LINGO2: variants seen among roughly 807,000 people sequenced by gnomAD.
The protein encoded by LINGO2 is leucine rich repeat and Ig domain containing 2.
A neutral mutation model predicts 30.6 loss-of-function variants in LINGO2; 14 were observed. The ratio of observed to expected loss-of-function variants is 0.46; its 90% CI spans 0.30 to 0.72. The LOEUF (loss-of-function observed/expected upper bound fraction) is 0.72, where lower values mean the gene tolerates loss of function less well. LINGO2 is among the 30% of genes least tolerant of loss of function. LINGO2 has a pLI of 0.07. For synonymous variants in LINGO2, 317 were observed against 288.5 expected (o/e 1.10, Z -1.00); for missense variants, 729 against 751.7 (o/e 0.97, Z 0.35).
the LINGO2 span, among the ~76,000 whole-genome samples, chr9:28,788,802 T>C: frequency 7.9e-5 from 12 of 152,178 alleles, no homozygotes; most frequent in Non-Finnish European, 1.8e-4. Context: ...TACCTCCATC[T>C]GGTCTCTCCC....
chr9:28,600,163 G>T lies in LINGO2; in HGVS notation c.-365+70037C>A, dbSNP rs527608293. ...GTGTACATTTTCCAAGAAAACTATGGAATGAAGAATCAGTTTATACTTAAA... is the reference window on the plus strand; with the variant it reads ...GTGTACATTTTCCAAGAAAACTATGTAATGAAGAATCAGTTTATACTTAAA... On this transcript the variant is annotated intron_variant, in intron 1 of 5. Transcript: ENST00000379992. 7.2e-5 allele frequency among the ~76,000 whole-genome samples: 11 copies of T among 152,146 alleles called. No homozygotes were observed. In the South Asian group the frequency reaches 1.0e-3, roughly 14 times the overall value.
At chr9:28,932,681 T>C in the LINGO2 span, among the ~76,000 whole-genome samples, 5 of 147,320 alleles carry the variant, frequency 3.4e-5, no homozygotes, top group Admixed American at 2.8e-4. Flanking sequence ...TATATTATCA[T>C]TGTATAATTT....
At chr9:28,788,755 G>C in the LINGO2 span, among the ~76,000 whole-genome samples, 1 of 152,070 alleles carries the variant, frequency 6.6e-6, no homozygotes, top group African/African-American at 2.4e-5. Flanking sequence ...TCACTACCAC[G>C]AGAACAGCAT....
chr9:28,177,806 C>T (rs781261163), intron 4 of LINGO2, among the ~76,000 whole-genome samples: 13 of 152,142 alleles, frequency 8.5e-5, no homozygotes, highest in Non-Finnish European at 1.2e-4. Flanking sequence ...GTAGCATCCC[C>T]ATTTTATAGA....
rs559110608 is a variant in LINGO2 at position 28,626,032 on chromosome 9, T to C, written c.-365+44168A>G. Reference sequence around the variant, plus strand: ...AAACAAAAAAAACTACAAATTGTCTTCAAAGTGGTGGCAACATTTGAGAAT... The same window carrying C: ...AAACAAAAAAAACTACAAATTGTCTCCAAAGTGGTGGCAACATTTGAGAAT... On this transcript the variant is annotated intron_variant, in intron 1 of 5. Coordinates refer to ENST00000379992, the Ensembl canonical transcript of LINGO2. Among the ~76,000 whole-genome samples, 7 of 152,262 alleles carry C rather than the reference T, an allele frequency of 4.6e-5. No individual in the cohort carries two copies. In the East Asian group the frequency reaches 1.4e-3, roughly 29 times the overall value.
chr9:28,351,947 A>C lies in LINGO2; in HGVS notation c.-246+20889T>G, dbSNP rs1484201964. 5.9e-5 allele frequency among the ~76,000 whole-genome samples: 9 copies of C among 151,614 alleles called. No individual in the cohort carries two copies. The East Asian group carries it at 1.8e-3, about 30-fold the overall frequency. ...CAGAAAAAGCCTTTGACAAAATTCA[A>C]CAACCCTTCATGCTAAAAACTCTCA... On this transcript the variant is annotated intron_variant, in intron 3 of 5. Transcript: ENST00000379992.
intron 2 of LINGO2, among the ~76,000 whole-genome samples, chr9:28,444,877 C>A (rs529573473): frequency 1.2e-3 from 189 of 152,300 alleles, no homozygotes; most frequent in Non-Finnish European, 2.0e-3. Flanking sequence ...GGGATCCAGG[C>A]TGGTAGTGCA....
intron 1 of LINGO2, among the ~76,000 whole-genome samples, chr9:28,615,930 C>T (rs1295819979): frequency 6.6e-6 from 1 of 151,998 alleles, no homozygotes; most frequent in Admixed American, 6.6e-5. Context: ...CTGTATGACT[C>T]CATGTAAATT....
chr9:28,461,139 C>A (rs966222821), intron 2 of LINGO2, among the ~76,000 whole-genome samples: 1 of 152,094 alleles, frequency 6.6e-6, no homozygotes, highest in Non-Finnish European at 1.5e-5. Context: ...TTTATAACAA[C>A]ATAAAATGAT....
chr9:28,056,403 T>C (rs904376640), intron 4 of LINGO2, among the ~76,000 whole-genome samples: 1 of 152,106 alleles, frequency 6.6e-6, no homozygotes, highest in African/African-American at 2.4e-5. Context: ...TCTTTCAGCC[T>C]CCATCAGTTA....
chr9:28,836,582 C>T, the LINGO2 span, among the ~76,000 whole-genome samples: 3 of 152,100 alleles, frequency 2.0e-5, no homozygotes, highest in Non-Finnish European at 4.4e-5. Flanking sequence ...TCCCAAAGTG[C>T]TGAGATTATA....
chr9:29,078,044 A>T, the LINGO2 span, among the ~76,000 whole-genome samples: 96 of 151,728 alleles, frequency 6.3e-4, no homozygotes, highest in Middle Eastern at 6.9e-3. Flanking sequence ...AGATTTGAAA[A>T]CTCCTTTAGT....
rs551545637 is a variant in LINGO2, at chr9:28,542,372, A to C, written c.-364-66347T>G. ...CAGAATCTGGGCAATACATCTTCCT[A>C]TCTACCAGAGAGGCCTAAGGAAAGA... On this transcript the variant is annotated intron_variant, in intron 1 of 5. Coordinates refer to ENST00000379992, the Ensembl canonical transcript of LINGO2. Among the ~76,000 whole-genome samples, 4 of 152,028 alleles carry C rather than the reference A, an allele frequency of 2.6e-5. No homozygotes were observed. In the South Asian group the frequency reaches 8.3e-4, roughly 32 times the overall value.
At chr9:29,002,280 C>G in the LINGO2 span, among the ~76,000 whole-genome samples, 1 of 151,978 alleles carries the variant, frequency 6.6e-6, no homozygotes, top group Non-Finnish European at 1.5e-5. Flanking sequence ...CAAGAAATGA[C>G]ACTGATGATT....
At chr9:28,389,788 A>G (rs1821752088) in intron 2 of LINGO2, among the ~76,000 whole-genome samples, 1 of 152,220 alleles carries the variant, frequency 6.6e-6, no homozygotes, top group African/African-American at 2.4e-5. Context: ...AGACATCTAG[A>G]GTTGTATTAT....
rs10435787 is a variant in LINGO2 at position 28,508,907 on chromosome 9, T to G, written c.-364-32882A>C. The stretch of plus-strand genomic sequence containing the variant: ...GATGTCATCATCCCTAGAATGGAAA[T>G]AATAAATTTATGGAGTGGTTGTGTG... On this transcript the variant is annotated intron_variant, in intron 1 of 5. Transcript: ENST00000379992. Among the ~76,000 whole-genome samples the G allele has an allele frequency of 8.6e-4, 131 of 152,202 alleles. 3 individuals are homozygous for G. In the East Asian group the frequency reaches 0.021, roughly 24 times the overall value.
chr9:28,803,614 G>GAATT, the LINGO2 span, among the ~76,000 whole-genome samples: 8 of 152,024 alleles, frequency 5.3e-5, no homozygotes, highest in East Asian at 1.5e-3. Context: ...GGGGGTCAGT[G>GAATT]AATTTCCTAA....
At chr9:28,597,181 A>G (rs1587934240) in intron 1 of LINGO2, among the ~76,000 whole-genome samples, 1 of 152,218 alleles carries the variant, frequency 6.6e-6, no homozygotes, top group South Asian at 2.1e-4. Context: ...GGACCAATTT[A>G]ATTTCTAAGC....
the LINGO2 span, among the ~76,000 whole-genome samples, chr9:28,873,986 C>T: frequency 6.6e-6 from 1 of 151,442 alleles, no homozygotes; most frequent in Admixed American, 6.6e-5. Flanking sequence ...TAACATTAAC[C>T]AATTAAGTAA....
Sources: gnomAD v4.1 joint callset for allele counts (sites outside exome capture counted in the v4.1 genomes callset) on GRCh38, gnomAD v4.1.1 for gene constraint, MANE v1.5 for transcripts, NCBI Gene and HGNC (gene_info 2026-07-23, HGNC 2026-07-21) for gene names.